COQ4: variants seen among roughly 807,000 people sequenced by gnomAD.
COQ4 encodes coenzyme Q4, also known as ubiquinone biosynthesis protein COQ4 homolog, mitochondrial.
Under a neutral mutation model 30.2 loss-of-function variants are expected in COQ4, and 36 were observed. The ratio of observed to expected loss-of-function variants is 1.19; its 90% CI spans 0.91 to 1.57. The LOEUF is 1.57. Ranked by LOEUF, COQ4 falls within the 40% of genes most tolerant of loss-of-function variation. COQ4 has a pLI of 0.00. For synonymous variants in COQ4, 197 were observed against 161.0 expected (o/e 1.22, Z -1.69); for missense variants, 369 against 371.9 (o/e 0.99, Z 0.07).
intron 2 of COQ4, among the ~76,000 whole-genome samples, chr9:128,323,771 G>A (rs1360287928): frequency 1.3e-5 from 2 of 152,122 alleles, no homozygotes; most frequent in Non-Finnish European, 2.9e-5. Context: ...TGGGCAACAC[G>A]GTGAATCCCC....
At chr9:128,329,377 T>TTTTA (rs904306468) in intron 4 of COQ4, among the ~76,000 whole-genome samples, 4 of 152,124 alleles carry the variant, frequency 2.6e-5, no homozygotes, top group African/African-American at 7.2e-5. Flanking sequence ...TTTTCCTTAT[T>TTTTA]TTTATTTATT....
At chr9:128,326,202 G>A in intron 4 of COQ4, 2 of 522,998 alleles carry the variant, frequency 3.8e-6, no homozygotes, top group Non-Finnish European at 6.7e-6. Context: ...GGAAACAGAG[G>A]CTCAGAGCAG....
Position 128,332,257 on chromosome 9 carries a change from G to A in COQ4, c.507G>A (p.Leu169=). The A allele has an allele frequency of 6.2e-7, 1 of 1,613,174 alleles. No individual in the cohort carries two copies. The highest frequency in any genetic ancestry group is 1.1e-5 in the South Asian group (1 of 90,906). Residue 169 remains leucine, a synonymous_variant, in exon 5 of 7, where the codon CTG becomes CTA. Coordinates refer to ENST00000300452, the MANE Select transcript of COQ4 (RefSeq NM_016035.5). ...AGGTGCACGACATGCTTCACACCCTGCTGGGGATGCCCACCAACATCCTGG... is the reference window on the plus strand; with the variant it reads ...AGGTGCACGACATGCTTCACACCCTACTGGGGATGCCCACCAACATCCTGG... ...YREVHDMLHT[L]LGMPTNILGE...
chr9:128,323,789 CA>C (rs949879098), intron 2 of COQ4, among the ~76,000 whole-genome samples: 2 of 150,792 alleles, frequency 1.3e-5, no homozygotes, highest in South Asian at 2.1e-4. Context: ...CCCATCTCTA[CA>C]AAAAAAAATA....
chr9:128,328,554 C>G (rs1352533494), intron 4 of COQ4, among the ~76,000 whole-genome samples: 2 of 152,126 alleles, frequency 1.3e-5, no homozygotes, highest in African/African-American at 4.8e-5. Context: ...CCAGGAGCAC[C>G]CCCCCGTCAA....
rs1832452033 is a variant in COQ4, at chr9:128,333,610, A to G, written c.763A>G (p.Thr255Ala). The change falls in exon 7 of 7, where the codon ACA (threonine) becomes GCA (alanine). Residue 255 changes from threonine (T) to alanine (A), a missense_variant. Transcript: ENST00000300452. Reference protein sequence around the residue: ...LRALREELGITAPPMHVQGLA With the variant: ...LRALREELGIAAPPMHVQGLA The stretch of plus-strand genomic sequence containing the variant: ...GGCTCTGCGGGAGGAGCTGGGCATT[A>G]CAGCACCACCCATGCACGTCCAGGG... The G allele has an allele frequency of 6.2e-7, 1 of 1,600,046 alleles. No individual in the cohort carries two copies.
chr9:128,326,279 T>C (rs1481027162), intron 4 of COQ4: 3 of 342,288 alleles, frequency 8.8e-6, no homozygotes, highest in African/African-American at 4.3e-5. Flanking sequence ...CAGATCATGC[T>C]CTTCACTGCT....
intron 4 of COQ4, chr9:128,326,158 G>A: frequency 1.7e-6 from 1 of 572,596 alleles, no homozygotes; most frequent in Non-Finnish European, 3.1e-6. Flanking sequence ...ACTCTGTCAA[G>A]TATGTTCTAT....
At chr9:128,324,327 G>A (rs1171756962) in intron 2 of COQ4, among the ~76,000 whole-genome samples, 6 of 151,466 alleles carry the variant, frequency 4.0e-5, no homozygotes, top group South Asian at 2.1e-4. Context: ...GTCTTGCCAC[G>A]TTGCCCAGGC....
In COQ4 at chr9:128,325,428, C is replaced by T. The variant is rs76294691; in HGVS notation, c.299+189C>T. Among the ~76,000 whole-genome samples the T allele has an allele frequency of 0.058, 8,848 of 152,310 alleles. 342 individuals are homozygous for T. The highest frequency in any genetic ancestry group is 0.14 in the Middle Eastern group (41 of 294). On this transcript the variant is annotated intron_variant, in intron 3 of 6. Transcript: ENST00000300452. Reference sequence around the variant, plus strand: ...TACATGTGTATACACTGATGACTTCCGAGTTGTGCAGTGTGATAGCCTTGG... The same window carrying T: ...TACATGTGTATACACTGATGACTTCTGAGTTGTGCAGTGTGATAGCCTTGG...
At position 128,332,429 on chromosome 9, in the gene COQ4, CAT is replaced by C. The variant is rs747760957; in HGVS notation, c.532+148_532+149del. 8.5e-4 allele frequency: 712 copies of C among 836,824 alleles called. 2 individuals carry two copies. The highest frequency in any genetic ancestry group is 8.7e-4 in the Non-Finnish European group (466 of 537,348). The allele number at this position is 836,824 out of a possible 1,614,324, so 51.8% of individuals were successfully genotyped here. A position where few individuals can be genotyped will look rare whatever the true frequency, so the allele number is the denominator to read the frequency against. ...GAACATCTTAGTAGCATCTTTGCCACATGTCCCCCTTCTTTCTCCCACTGCCC... is the reference window on the plus strand; with the variant it reads ...GAACATCTTAGTAGCATCTTTGCCACGTCCCCCTTCTTTCTCCCACTGCCC... On this transcript the variant is annotated intron_variant, in intron 5 of 6. Transcript: ENST00000300452.
chr9:128,333,538 T>C lies in COQ4; in HGVS notation c.691T>C (p.Cys231Arg), dbSNP rs1367308923. The C allele has an allele frequency of 1.2e-6, 2 of 1,607,684 alleles. No individual in the cohort carries two copies. The highest frequency in any genetic ancestry group is 1.7e-5 in the Admixed American group (1 of 58,952). Residue 231 changes from cysteine to arginine, a missense_variant, in exon 7 of 7, where the codon TGT becomes CGT. Coordinates refer to ENST00000300452, the MANE Select transcript of COQ4 (RefSeq NM_016035.5). The stretch of plus-strand genomic sequence containing the variant: ...CGTTCAGAACGGGCGCAGAGCCCCA[T>C]GTGTCCTCAACCTGTACTATGAGCG... Reference protein sequence around the residue: ...WAVQNGRRAPCVLNLYYERRW... With the variant: ...WAVQNGRRAPRVLNLYYERRW...
intron 5 of COQ4, 94 bp downstream of exon 5, chr9:128,332,376 G>A (rs1162341241): frequency 3.6e-6 from 5 of 1,385,604 alleles, no homozygotes; most frequent in Non-Finnish European, 5.0e-6. Flanking sequence ...GCATCACCTG[G>A]CTTGGTGCCT....
intron 3 of COQ4, 122 bp from the exon 4 acceptor site, chr9:128,325,657 C>T: frequency 1.3e-6 from 1 of 741,170 alleles, no homozygotes; most frequent in Non-Finnish European, 2.3e-6. Context: ...GTAGGTGCTC[C>T]ATTAAGGCTT....
intron 5 of COQ4, 88 bp downstream of exon 5, chr9:128,332,370 C>A: frequency 2.1e-6 from 3 of 1,448,536 alleles, no homozygotes; most frequent in Non-Finnish European, 2.8e-6. Flanking sequence ...CCCTCTGCAT[C>A]ACCTGGCTTG....
At chr9:128,326,184 G>A in intron 4 of COQ4, 1 of 554,072 alleles carries the variant, frequency 1.8e-6, no homozygotes, top group Non-Finnish European at 3.2e-6. Flanking sequence ...TCCTCTTTTA[G>A]CAGATAAGGA....
Position 128,333,729 on chromosome 9 carries a change from C to A in COQ4, c.*84C>A. ...GAGGGCTCCCTTGACTACCTTTGTTCCTCTTCTTTGAACACTGACCCTTGG... is the reference window on the plus strand; with the variant it reads ...GAGGGCTCCCTTGACTACCTTTGTTACTCTTCTTTGAACACTGACCCTTGG... On this transcript the variant is annotated 3_prime_UTR_variant, in exon 7 of 7. Transcript: ENST00000300452. 1 of 1,225,524 alleles carries A rather than the reference C, an allele frequency of 8.2e-7. No individual in the cohort carries two copies. The highest frequency in any genetic ancestry group is 1.1e-6 in the Non-Finnish European group (1 of 913,808). 75.9% of individuals were successfully genotyped at this position (1,225,524 alleles called of 1,614,324 possible). A position where few individuals can be genotyped will look rare whatever the true frequency, so the allele number is the denominator to read the frequency against.
intron 4 of COQ4, among the ~76,000 whole-genome samples, chr9:128,329,718 G>A (rs1308129464): frequency 6.6e-6 from 1 of 152,150 alleles, no homozygotes; most frequent in African/African-American, 2.4e-5. Context: ...TTACCTCCAA[G>A]ATTGCAAGGA....
intron 4 of COQ4, among the ~76,000 whole-genome samples, chr9:128,326,565 C>G (rs1010995796): frequency 1.3e-4 from 20 of 152,084 alleles, no homozygotes; most frequent in African/African-American, 4.8e-4. Flanking sequence ...GCCTCAGCCT[C>G]CCGAGTAGCT....
Sources: allele counts gnomAD v4.1 joint callset (sites outside exome capture counted in the v4.1 genomes callset), GRCh38; gene constraint gnomAD v4.1.1; transcripts MANE v1.5; gene names NCBI Gene and HGNC (gene_info 2026-07-23, HGNC 2026-07-21).